Variants in EYS observed in about 807,000 individuals in gnomAD.
EYS encodes protein eyes shut homolog.
A neutral mutation model predicts 282.1 loss-of-function variants in EYS; 250 were observed. The ratio of observed to expected loss-of-function variants is 0.89; its 90% confidence interval spans 0.80 to 0.98. The LOEUF (loss-of-function observed/expected upper bound fraction) is 0.98, where lower values mean the gene tolerates loss of function less well. EYS is among the 50% of genes least tolerant of loss of function. The pLI, the probability that EYS is intolerant of heterozygous loss-of-function variation, is 0.00. For synonymous variants in EYS, 1,355 were observed against 1,282.9 expected (o/e 1.06, Z -1.20); for missense variants, 4,016 against 3,709.0 (o/e 1.08, Z -2.15).
intron 8 of EYS, among the ~76,000 whole-genome samples, chr6:65,378,273 CAT>C (rs1327530199): frequency 4.6e-5 from 7 of 152,026 alleles, no homozygotes; most frequent in African/African-American, 1.7e-4. Flanking sequence ...AGTCAACAAA[CAT>C]ATGAAAAAAA....
At chr6:64,205,756 T>C (rs1440936061) in intron 31 of EYS, among the ~76,000 whole-genome samples, 1 of 151,692 alleles carries the variant, frequency 6.6e-6, no homozygotes, top group Admixed American at 6.6e-5. Context: ...CAAAATGCCA[T>C]GTTGTCATCA....
At chr6:64,106,371 G>A (rs1344917601) in intron 31 of EYS, among the ~76,000 whole-genome samples, 1 of 151,994 alleles carries the variant, frequency 6.6e-6, no homozygotes, top group Non-Finnish European at 1.5e-5. Context: ...TAATTTTGCA[G>A]ATACAATAGA....
At chr6:65,235,947 C>G (rs1168878344) in intron 12 of EYS, among the ~76,000 whole-genome samples, 1 of 151,788 alleles carries the variant, frequency 6.6e-6, no homozygotes, top group Non-Finnish European at 1.5e-5. Flanking sequence ...AAAATTTTGG[C>G]ATATATTTCT....
chr6:65,407,050 G>A (rs569239843), intron 5 of EYS, among the ~76,000 whole-genome samples: 1 of 152,078 alleles, frequency 6.6e-6, no homozygotes, highest in Admixed American at 6.6e-5. Flanking sequence ...GATAAAATTG[G>A]GAAAAATTTC....
At chr6:65,331,574 C>A (rs867372949) in intron 11 of EYS, 3 of 973,840 alleles carry the variant, frequency 3.1e-6, no homozygotes, top group Middle Eastern at 1.1e-3. Flanking sequence ...TGATAAATTA[C>A]AAAAATTTTG....
intron 29 of EYS, among the ~76,000 whole-genome samples, chr6:64,347,540 G>A (rs1009598116): frequency 6.6e-6 from 1 of 151,178 alleles, no homozygotes; most frequent in Admixed American, 6.6e-5. Context: ...GATGGCTATA[G>A]TGGGTTTGTC....
intron 12 of EYS, among the ~76,000 whole-genome samples, chr6:65,112,464 TAAAAACAAAG>T (rs1235786888): frequency 6.6e-6 from 1 of 152,058 alleles, no homozygotes; most frequent in African/African-American, 2.4e-5. Context: ...ATGTTAAAAA[TAAAAACAAAG>T]AAAAACAAAA....
At chr6:65,550,188 G>T in intron 2 of EYS, among the ~76,000 whole-genome samples, 1 of 1,316 alleles carries the variant, frequency 7.6e-4, no homozygotes, top group Non-Finnish European at 1.0e-3. Flanking sequence ...TTTTTTTTGG[G>T]GATAAGACCA....
At chr6:65,245,912 T>C (rs1767167372) in intron 12 of EYS, among the ~76,000 whole-genome samples, 1 of 152,084 alleles carries the variant, frequency 6.6e-6, no homozygotes, top group Non-Finnish European at 1.5e-5. Context: ...ATTTAGTTTA[T>C]TTTTAATTTC....
chr6:64,675,729 G>A (rs1769637732), intron 22 of EYS, among the ~76,000 whole-genome samples: 2 of 151,782 alleles, frequency 1.3e-5, no homozygotes, highest in East Asian at 3.9e-4. Flanking sequence ...CACCTGGCCT[G>A]TGATTGGAAA....
chr6:63,822,714 CT>C (rs1367310634), intron 36 of EYS: 1 of 152,158 alleles, frequency 6.6e-6, no homozygotes, highest in African/African-American at 2.4e-5. Flanking sequence ...TTTGTATCTT[CT>C]TTTCTACTAT....
intron 26 of EYS, among the ~76,000 whole-genome samples, chr6:64,480,940 T>G (rs1776418398): frequency 6.6e-6 from 1 of 151,714 alleles, no homozygotes; most frequent in Non-Finnish European, 1.5e-5. Flanking sequence ...AAGACTTTTT[T>G]TTCAGGTATT....
chr6:64,609,461 G>C (rs1767039445), intron 24 of EYS, among the ~76,000 whole-genome samples: 1 of 152,180 alleles, frequency 6.6e-6, no homozygotes, highest in Non-Finnish European at 1.5e-5. Context: ...AGAAGATCAG[G>C]AGGAAGTGAG....
intron 2 of EYS, among the ~76,000 whole-genome samples, chr6:65,594,550 T>C (rs1765341723): frequency 6.6e-6 from 1 of 152,084 alleles, no homozygotes; most frequent in African/African-American, 2.4e-5. Flanking sequence ...TAGCCTGACG[T>C]TCTTAAAAAA....
chr6:65,322,795 C>CAAAAAAA (rs57571912), intron 11 of EYS, among the ~76,000 whole-genome samples: 30 of 71,274 alleles, frequency 4.2e-4, no homozygotes, highest in South Asian at 1.1e-3. Context: ...GAATCCGTCT[C>CAAAAAAA]AAAAAAAAAA....
intron 31 of EYS, among the ~76,000 whole-genome samples, chr6:64,203,216 A>T (rs1765515745): frequency 1.3e-5 from 2 of 152,216 alleles, no homozygotes; most frequent in African/African-American, 4.8e-5. Context: ...CATGACTGGA[A>T]GCCAGTTCGT....
chr6:64,198,540 T>C (rs1210903371), intron 31 of EYS, among the ~76,000 whole-genome samples: 1 of 152,000 alleles, frequency 6.6e-6, no homozygotes, highest in Admixed American at 6.5e-5. Context: ...TGGGTTCTCA[T>C]TGTTCAACTC....
chr6:65,178,719 C>T (rs573105741), intron 12 of EYS, among the ~76,000 whole-genome samples: 2 of 152,166 alleles, frequency 1.3e-5, no homozygotes, highest in South Asian at 4.2e-4. Flanking sequence ...ACATAATAGA[C>T]ATCTACAGAA....
intron 11 of EYS, among the ~76,000 whole-genome samples, chr6:65,306,859 A>AAAAAAAAAAAAAAAAAAAAAAAAAAG (rs1346343044): frequency 4.9e-5 from 7 of 142,386 alleles, no homozygotes; most frequent in Non-Finnish European, 9.2e-5. Flanking sequence ...AAAAAAAAAA[A>AAAAAAAAAAAAAAAAAAAAAAAAAAG]AAAGAAAGTC....
Sources: gnomAD v4.1 joint callset for allele counts (sites outside exome capture counted in the v4.1 genomes callset) on GRCh38, gnomAD v4.1.1 for gene constraint, MANE v1.5 for transcripts, NCBI Gene and HGNC (gene_info 2026-07-23, HGNC 2026-07-21) for gene names.